Variants in ADAMTS3 observed in about 807,000 individuals in gnomAD.
ADAMTS3 encodes A disintegrin and metalloproteinase with thrombospondin motifs 3.
A neutral mutation model predicts 129.0 loss-of-function variants in ADAMTS3; 73 were observed. The ratio of observed to expected loss-of-function variants is 0.57; its 90% CI spans 0.47 to 0.69. The LOEUF (loss-of-function observed/expected upper bound fraction) is 0.69, where lower values mean the gene tolerates loss of function less well. Among genes scored for constraint, ADAMTS3 ranks in the 30% least tolerant of loss-of-function variants. ADAMTS3 has a pLI of 0.00. For synonymous variants in ADAMTS3, 477 were observed against 510.8 expected (o/e 0.93, Z 0.89); for missense variants, 1,457 against 1,514.5 (o/e 0.96, Z 0.63).
chr4:72,434,168 TC>T (rs539804356), intron 3 of ADAMTS3, among the ~76,000 whole-genome samples: 1 of 150,866 alleles, frequency 6.6e-6, no homozygotes, highest in African/African-American at 2.4e-5. Context: ...AAAATGGAGC[TC>T]CCCCCCACCA....
rs539130332 is a variant in ADAMTS3, at chr4:72,560,099, T to TA, written c.97+7274dup. Among the ~76,000 whole-genome samples, 235 of 151,632 alleles carry TA rather than the reference T, an allele frequency of 1.5e-3. 5 individuals are homozygous for TA. The highest frequency in any genetic ancestry group is 5.5e-3 in the African/African-American group (227 of 40,990). On this transcript the variant is annotated intron_variant, in intron 2 of 21. Coordinates refer to ENST00000286657, the MANE Select transcript of ADAMTS3 (RefSeq NM_014243.3). ...AATAGAGGAAGGATTCCCTATTTAATAAGTGGTATTGGGAGAACTGGCTAG... is the reference window on the plus strand; with the variant it reads ...AATAGAGGAAGGATTCCCTATTTAATAAAGTGGTATTGGGAGAACTGGCTAG...
intron 2 of ADAMTS3, among the ~76,000 whole-genome samples, chr4:72,565,622 T>C (rs1722003207): frequency 6.6e-6 from 1 of 152,204 alleles, no homozygotes; most frequent in African/African-American, 2.4e-5. Flanking sequence ...ATGGTAATAA[T>C]AAAAGAGAGA....
chr4:72,296,549 T>C (rs1718813935), intron 18 of ADAMTS3, among the ~76,000 whole-genome samples: 1 of 152,140 alleles, frequency 6.6e-6, no homozygotes. Flanking sequence ...ATTGATCTTT[T>C]GTGACTATGT....
intron 2 of ADAMTS3, among the ~76,000 whole-genome samples, chr4:72,566,042 C>G (rs546178784): frequency 6.6e-6 from 1 of 152,118 alleles, no homozygotes; most frequent in East Asian, 1.9e-4. Flanking sequence ...AAAAAAAATT[C>G]TTTAAAAAGA....
At chr4:72,497,262 T>C (rs1440804072) in intron 3 of ADAMTS3, among the ~76,000 whole-genome samples, 1 of 152,066 alleles carries the variant, frequency 6.6e-6, no homozygotes, top group African/African-American at 2.4e-5. Flanking sequence ...GAAATGCATA[T>C]ACAGACACTA....
chr4:72,496,096 T>A lies in ADAMTS3; in HGVS notation c.504+52382A>T, dbSNP rs139843925. 3.0e-3 allele frequency among the ~76,000 whole-genome samples: 451 copies of A among 152,298 alleles called. 5 individuals are homozygous for A. Among genetic ancestry groups the A allele is most frequent in the African/African-American group, 0.01 (436 of 41,580 alleles). On this transcript the variant is annotated intron_variant, in intron 3 of 21. Transcript: ENST00000286657. The stretch of plus-strand genomic sequence containing the variant: ...AAATCTGTAAAGAAAATTATTAGAC[T>A]TTTCTCAGTTGTAGCTCCTGCAAAC...
intron 2 of ADAMTS3, among the ~76,000 whole-genome samples, chr4:72,565,963 G>A (rs12651083): frequency 0.96 from 146,375 of 152,280 alleles, 70,622 homozygotes; most frequent in East Asian, 1. Flanking sequence ...AAGTTGGGAC[G>A]TGTAAGTAAT....
chr4:72,290,839 G>T lies in ADAMTS3; in HGVS notation c.2931+16C>A, dbSNP rs763609020. 6.2e-6 allele frequency: 10 copies of T among 1,612,186 alleles called. No homozygotes were observed. The highest frequency in any genetic ancestry group is 8.5e-6 in the Non-Finnish European group (10 of 1,178,660). ...CACACACTTTACTTATGCATGCACG[G>T]AATTCACACACCTACCTCACTCCAG... is the stretch of plus-strand genomic sequence containing the variant. On this transcript the variant is annotated intron_variant, in intron 20 of 21. Transcript: ENST00000286657.
chr4:72,337,709 T>G (rs78272430), intron 5 of ADAMTS3, among the ~76,000 whole-genome samples: 1 of 152,152 alleles, frequency 6.6e-6, no homozygotes, highest in South Asian at 2.1e-4. Flanking sequence ...TATGGTCACA[T>G]CTCCATTTTC....
chr4:72,510,798 T>A (rs1054531254), intron 3 of ADAMTS3, among the ~76,000 whole-genome samples: 1 of 80,424 alleles, frequency 1.2e-5, no homozygotes, highest in Non-Finnish European at 2.4e-5. Context: ...AGACCTGGAA[T>A]AGCCAAAGCT....
At chr4:72,337,814 T>A (rs911309688) in intron 5 of ADAMTS3, among the ~76,000 whole-genome samples, 1 of 152,168 alleles carries the variant, frequency 6.6e-6, no homozygotes, top group Non-Finnish European at 1.5e-5. Flanking sequence ...AATTTTCCCA[T>A]GTATTTATTT....
At chr4:72,495,522 AC>A (rs1204852210) in intron 3 of ADAMTS3, among the ~76,000 whole-genome samples, 1 of 152,150 alleles carries the variant, frequency 6.6e-6, no homozygotes, top group Non-Finnish European at 1.5e-5. Context: ...GACACTGACT[AC>A]CTTTTTACAA....
intron 3 of ADAMTS3, among the ~76,000 whole-genome samples, chr4:72,459,102 A>C (rs958671641): frequency 6.6e-6 from 1 of 151,702 alleles, no homozygotes. Context: ...TTAGATAAAG[A>C]TATCAGAAAT....
chr4:72,308,629 T>C (rs1046968837), intron 15 of ADAMTS3, among the ~76,000 whole-genome samples: 8 of 151,992 alleles, frequency 5.3e-5, no homozygotes, highest in African/African-American at 1.2e-4. Flanking sequence ...AACTGAATAG[T>C]ATCTGATACA....
Position 72,403,008 on chromosome 4 carries a change from T to C in ADAMTS3, c.661+11807A>G, listed in dbSNP as rs567715811. On this transcript the variant is annotated intron_variant, in intron 4 of 21. Coordinates refer to ENST00000286657, the MANE Select transcript of ADAMTS3 (RefSeq NM_014243.3). ...CAAAGGACTGAACACTGAGCACTTA[T>C]GGTTTCTCATCCTCATTTGTTTATT... Among the ~76,000 whole-genome samples the C allele has an allele frequency of 8.5e-5, 13 of 152,272 alleles. No individual in the cohort carries two copies. The South Asian group carries it at 1.0e-3, about 12-fold the overall frequency.
intron 4 of ADAMTS3, among the ~76,000 whole-genome samples, chr4:72,402,761 T>C (rs980042591): frequency 5.9e-5 from 9 of 152,130 alleles, no homozygotes; most frequent in Non-Finnish European, 1.0e-4. Flanking sequence ...CAGAATATCC[T>C]TGGCAAAGTT....
At chr4:72,348,824 C>A (rs553192324) in intron 4 of ADAMTS3, among the ~76,000 whole-genome samples, 23 of 151,598 alleles carry the variant, frequency 1.5e-4, no homozygotes, top group African/African-American at 4.8e-4. Flanking sequence ...CAACAGCCAG[C>A]AAGGAAATGA....
chr4:72,472,736 A>G (rs1719108256), intron 3 of ADAMTS3, among the ~76,000 whole-genome samples: 1 of 152,198 alleles, frequency 6.6e-6, no homozygotes, highest in Non-Finnish European at 1.5e-5. Flanking sequence ...AATTACTGAA[A>G]ATGCCACATA....
chr4:72,530,817 T>G (rs1219686913), intron 3 of ADAMTS3, among the ~76,000 whole-genome samples: 23 of 114,774 alleles, frequency 2.0e-4, no homozygotes, highest in Admixed American at 1.9e-3. Flanking sequence ...ATATATTATA[T>G]ATTATATAGA....
Sources: allele counts gnomAD v4.1 joint callset (sites outside exome capture counted in the v4.1 genomes callset), GRCh38; gene constraint gnomAD v4.1.1; transcripts MANE v1.5; gene names NCBI Gene and HGNC (gene_info 2026-07-23, HGNC 2026-07-21).